The following GLI3 variants were observed in gnomAD, a reference collection of about 807,000 sequenced individuals.
The protein encoded by GLI3 is GLI family zinc finger 3.
GLI3 carries 20 observed loss-of-function variants against 100.8 expected under a neutral mutation model. The ratio of observed to expected loss-of-function variants is 0.20; its 90% CI spans 0.14 to 0.29. GLI3 has a LOEUF of 0.29. GLI3 is among the 10% of genes least tolerant of loss of function. The pLI, the probability that GLI3 is intolerant of heterozygous loss-of-function variation, is 1.00. For synonymous variants in GLI3, 938 were observed against 860.5 expected, an observed-to-expected ratio of 1.09 and a Z score of -1.58; for missense variants, 2,040 against 2,128.5, an observed-to-expected ratio of 0.96 and a Z score of 0.82.
intron 4 of GLI3, among the ~76,000 whole-genome samples, chr7:42,055,858 T>G (rs1303755504): frequency 1.3e-5 from 2 of 152,232 alleles, no homozygotes; most frequent in Non-Finnish European, 2.9e-5. Context: ...ATCTCTTCAT[T>G]GGATATACAT....
At chr7:42,112,170 A>C (rs1298495329) in intron 3 of GLI3, among the ~76,000 whole-genome samples, 1 of 152,160 alleles carries the variant, frequency 6.6e-6, no homozygotes, top group African/African-American at 2.4e-5. Flanking sequence ...CTGGAAACCA[A>C]CGCTTTTTCT....
intron 3 of GLI3, among the ~76,000 whole-genome samples, chr7:42,112,053 C>T (rs1785721706): frequency 6.6e-6 from 1 of 152,150 alleles, no homozygotes. Context: ...AAAAAGTGTG[C>T]CAGATGCTGA....
intron 1 of GLI3, among the ~76,000 whole-genome samples, chr7:42,255,077 T>C (rs1228898168): frequency 5.3e-4 from 79 of 149,636 alleles, no homozygotes; most frequent in Middle Eastern, 3.5e-3. Context: ...TCTGTTTCTG[T>C]TTTTTTTTTT....
At chr7:41,975,832 C>T (rs1787494231) in intron 12 of GLI3, among the ~76,000 whole-genome samples, 2 of 152,204 alleles carry the variant, frequency 1.3e-5, no homozygotes, top group Non-Finnish European at 2.9e-5. Flanking sequence ...ATTGGCCTAA[C>T]ATCTATAGGA....
chr7:41,973,815 G>A lies in GLI3; in HGVS notation c.1813-1188C>T, dbSNP rs558598270. ...CCTAATGCAGTGAAGCAAAGATCCT[G>A]AAACTGAGAGGTTTCACCTCCAAAC... On this transcript the variant is annotated intron_variant, in intron 12 of 14. Coordinates refer to ENST00000395925, the MANE Select transcript of GLI3 (RefSeq NM_000168.6). Among the ~76,000 whole-genome samples, 3 of 152,278 alleles carry A rather than the reference G, an allele frequency of 2.0e-5. No homozygotes were observed. In the South Asian group the frequency reaches 6.2e-4, roughly 32 times the overall value.
At chr7:42,146,783 CA>C (rs1461341730) in intron 3 of GLI3, among the ~76,000 whole-genome samples, 1 of 152,104 alleles carries the variant, frequency 6.6e-6, no homozygotes, top group African/African-American at 2.4e-5. Context: ...AATAAAAATA[CA>C]ATGCAGAAAA....
At chr7:42,209,516 C>G (rs1788220724) in intron 2 of GLI3, among the ~76,000 whole-genome samples, 1 of 152,210 alleles carries the variant, frequency 6.6e-6, no homozygotes, top group Admixed American at 6.5e-5. Flanking sequence ...ACTCATTCTT[C>G]TCCAGCTCCC....
intron 3 of GLI3, among the ~76,000 whole-genome samples, chr7:42,124,502 T>C (rs1438137264): frequency 6.6e-6 from 1 of 152,202 alleles, no homozygotes; most frequent in Non-Finnish European, 1.5e-5. Flanking sequence ...TTTTAGTTGC[T>C]GACAACAGAA....
Position 42,150,930 on chromosome 7 carries a change from G to C in GLI3, c.125-2462C>G, listed in dbSNP as rs190115414. ...AGGGTAATCGGGGCGGCGGAGTGGGGAGGGTGAGTGGAAATGAGGGTACCT... is the reference window on the plus strand; with the variant it reads ...AGGGTAATCGGGGCGGCGGAGTGGGCAGGGTGAGTGGAAATGAGGGTACCT... On this transcript the variant is annotated intron_variant, in intron 2 of 14. Coordinates refer to ENST00000395925, the MANE Select transcript of GLI3 (RefSeq NM_000168.6). 1.1e-3 allele frequency among the ~76,000 whole-genome samples: 175 copies of C among 152,262 alleles called. 1 individual carries two copies. The highest frequency in any genetic ancestry group is 9.4e-3 in the Admixed American group (144 of 15,298).
chr7:42,142,848 AG>A (rs1437354826), intron 3 of GLI3, among the ~76,000 whole-genome samples: 1 of 147,700 alleles, frequency 6.8e-6, no homozygotes, highest in African/African-American at 2.5e-5. Context: ...CTGAGGCAGG[AG>A]AATGACATGA....
At chr7:42,132,078 T>TTTA (rs1003864658) in intron 3 of GLI3, among the ~76,000 whole-genome samples, 1 of 151,658 alleles carries the variant, frequency 6.6e-6, no homozygotes, top group African/African-American at 2.4e-5. Context: ...GACTTCATTA[T>TTTA]TTATTTATTT....
rs1031505002 is a variant in GLI3, at chr7:41,982,014, T to C, written c.1498-3266A>G. Reference sequence around the variant, plus strand: ...TGTGGGGAGGGGTGGGGGAAACTTATGTTGGGCACTTAAAGCAACCTCATT... The same window carrying C: ...TGTGGGGAGGGGTGGGGGAAACTTACGTTGGGCACTTAAAGCAACCTCATT... On this transcript the variant is annotated intron_variant, in intron 10 of 14. Coordinates refer to ENST00000395925, the MANE Select transcript of GLI3 (RefSeq NM_000168.6). Among the ~76,000 whole-genome samples the C allele has an allele frequency of 7.9e-5, 12 of 152,256 alleles. No homozygotes were observed. The East Asian group carries it at 1.7e-3, about 22-fold the overall frequency.
intron 5 of GLI3, among the ~76,000 whole-genome samples, chr7:42,045,981 TCA>T (rs1371059096): frequency 2.6e-5 from 4 of 152,182 alleles, no homozygotes; most frequent in African/African-American, 9.7e-5. Context: ...TAACTCTCAC[TCA>T]CATGAAAAGT....
intron 14 of GLI3, among the ~76,000 whole-genome samples, chr7:41,967,280 G>GA (rs1156595329): frequency 6.6e-6 from 1 of 152,160 alleles, no homozygotes; most frequent in Admixed American, 6.5e-5. Context: ...TTAAATTTTG[G>GA]AAACCAGAGA....
chr7:42,114,935 C>T (rs1785811756), intron 3 of GLI3, among the ~76,000 whole-genome samples: 1 of 151,976 alleles, frequency 6.6e-6, no homozygotes, highest in Non-Finnish European at 1.5e-5. Context: ...CTCCTGACCT[C>T]AGGCAATGTG....
rs747635516 is a variant in GLI3 at position 41,965,887 on chromosome 7, C to A, written c.3186G>T (p.Ser1062=). ...CGGTGATGCTGGGAGGACAGGGGGA[C>A]GAGTGGAAGTTTCGGGACTGGCCGC... ...PEGGQSRNFH[S]SPCPPSITEN... is the part of the protein sequence containing the mutation. The change falls in exon 15 of 15, where the codon TCG becomes TCT. Residue 1062 remains serine, a synonymous_variant. Coordinates refer to ENST00000395925, the MANE Select transcript of GLI3 (RefSeq NM_000168.6). 8 of 1,613,608 alleles carry A rather than the reference C, an allele frequency of 5.0e-6. No individual in the cohort carries two copies. The highest frequency in any genetic ancestry group is 1.6e-4 in the Middle Eastern group (1 of 6,062).
chr7:42,053,332 G>A (rs954158047), intron 4 of GLI3, among the ~76,000 whole-genome samples: 3 of 152,188 alleles, frequency 2.0e-5, no homozygotes, highest in Non-Finnish European at 4.4e-5. Flanking sequence ...GCAAATCTGG[G>A]AGAGAAGGTT....
intron 2 of GLI3, among the ~76,000 whole-genome samples, chr7:42,182,627 CATATGT>C (rs1787615389): frequency 1.2e-5 from 1 of 81,808 alleles, no homozygotes; most frequent in Admixed American, 1.4e-4. Context: ...TTTTTATATG[CATATGT>C]ATATGTGTGT....
chr7:42,033,161 T>C (rs1215268675), intron 7 of GLI3, among the ~76,000 whole-genome samples: 1 of 152,182 alleles, frequency 6.6e-6, no homozygotes, highest in East Asian at 1.9e-4. Context: ...GCGTGAGTGG[T>C]AATCACACTC....
Sources: gnomAD v4.1 joint callset for allele counts (sites outside exome capture counted in the v4.1 genomes callset) on GRCh38, gnomAD v4.1.1 for gene constraint, MANE v1.5 for transcripts, NCBI Gene and HGNC (gene_info 2026-07-23, HGNC 2026-07-21) for gene names.